The following UNC5B variants were observed in gnomAD, a reference collection of about 807,000 sequenced individuals.
UNC5B encodes the protein unc-5 netrin receptor B, also known as netrin receptor UNC5B.
Under a neutral mutation model 103.7 loss-of-function variants are expected in UNC5B, and 56 were observed. That is an observed-to-expected ratio of 0.54 (90% CI 0.44 to 0.67). The LOEUF is 0.67. UNC5B is among the 30% of genes least tolerant of loss of function. The pLI is 0.00. For missense variants in UNC5B, 1,194 were observed against 1,284.5 expected (o/e 0.93, Z 1.08); for synonymous variants, 577 against 542.0 (o/e 1.06, Z -0.90).
At chr10:71,240,454 T>C (rs900914437) in intron 1 of UNC5B, among the ~76,000 whole-genome samples, 8 of 152,230 alleles carry the variant, frequency 5.3e-5, no homozygotes, top group Non-Finnish European at 7.3e-5. Flanking sequence ...GTGATGCCCG[T>C]GGCCTGCCTC....
intron 1 of UNC5B, among the ~76,000 whole-genome samples, chr10:71,267,314 G>T (rs1045065346): frequency 1.3e-5 from 2 of 152,162 alleles, no homozygotes; most frequent in Admixed American, 6.5e-5. Flanking sequence ...CTCAAGAAGC[G>T]CATGGGATTA....
In UNC5B at chr10:71,287,762, C is replaced by T; in HGVS notation, c.898C>T (p.Pro300Ser). 1 of 1,612,258 alleles carries T rather than the reference C, an allele frequency of 6.2e-7. No homozygotes were observed. The highest frequency in any genetic ancestry group is 8.5e-7 in the Non-Finnish European group (1 of 1,179,058). Residue 300 changes from proline to serine, a missense_variant, in exon 6 of 17, where the codon CCA becomes TCA. Pro to Ser is a moderately conservative substitution (Grantham distance 74). Transcript: ENST00000335350. ...FQKTACTTIC[P>S]VDGAWTEWSK... Reference sequence around the variant, plus strand: ...GAAGACCGCCTGCACCACCATCTGCCCAGGTAAGGAGCCTTGTCCATGTCC... The same window carrying T: ...GAAGACCGCCTGCACCACCATCTGCTCAGGTAAGGAGCCTTGTCCATGTCC...
At chr10:71,258,769 C>T (rs1371640225) in intron 1 of UNC5B, among the ~76,000 whole-genome samples, 1 of 152,214 alleles carries the variant, frequency 6.6e-6, no homozygotes, top group South Asian at 2.1e-4. Flanking sequence ...TCACCAAGGT[C>T]CCCACCCTGC....
intron 1 of UNC5B, chr10:71,217,165 C>T (rs1843347886): frequency 6.5e-6 from 1 of 152,744 alleles, no homozygotes; most frequent in African/African-American, 2.4e-5. Context: ...GTTTCCTAAA[C>T]AGCTTCCACA....
In UNC5B at chr10:71,299,428, A is replaced by G; in HGVS notation, c.*151A>G. On this transcript the variant is annotated 3_prime_UTR_variant, in exon 17 of 17. Transcript: ENST00000335350. Reference sequence around the variant, plus strand: ...CCTCCTCTTCCCCAACCCCCAGACCATGACCAGCCTTAGAAAATCCATGTA... The same window carrying G: ...CCTCCTCTTCCCCAACCCCCAGACCGTGACCAGCCTTAGAAAATCCATGTA... The G allele has an allele frequency of 1.1e-6, 1 of 902,130 alleles. No individual in the cohort carries two copies. Among genetic ancestry groups the G allele is most frequent in the South Asian group, 1.6e-5 (1 of 60,924 alleles). The allele number at this position is 902,130 out of a possible 1,614,324, so 55.9% of individuals were successfully genotyped here.
In UNC5B at chr10:71,212,684, G is replaced by C. The variant is rs540883866; in HGVS notation, c.-302G>C. The C allele has an allele frequency of 7.5e-6, 2 of 268,312 alleles. No individual in the cohort carries two copies. The highest frequency in any genetic ancestry group is 3.3e-4 in the South Asian group (2 of 5,984). 16.6% of individuals were successfully genotyped at this position (268,312 alleles called of 1,614,324 possible). On this transcript the variant is annotated 5_prime_UTR_variant, in exon 1 of 17. Transcript: ENST00000335350. ...CGGCGCCGCCGCTGCGAGCGCCACT[G>C]AGCGGTCGCGCAACTTCGGAGGCAC...
chr10:71,275,374 C>T (rs1331180899), intron 1 of UNC5B, among the ~76,000 whole-genome samples: 4 of 152,212 alleles, frequency 2.6e-5, no homozygotes, highest in Non-Finnish European at 5.9e-5. Context: ...AGAGACGGAG[C>T]AGCAGGAAGT....
chr10:71,254,398 C>T (rs990953867), intron 1 of UNC5B, among the ~76,000 whole-genome samples: 2 of 152,190 alleles, frequency 1.3e-5, no homozygotes, highest in Admixed American at 6.5e-5. Flanking sequence ...GTCCTGCTGT[C>T]GTGGGGGGCA....
At chr10:71,245,057 G>A (rs1021789549) in intron 1 of UNC5B, among the ~76,000 whole-genome samples, 1 of 152,264 alleles carries the variant, frequency 6.6e-6, no homozygotes, top group Non-Finnish European at 1.5e-5. Flanking sequence ...CGAGGAATCA[G>A]AGTTCAGGAA....
rs746870907 is a variant in UNC5B at position 71,287,669 on chromosome 10, C to T, written c.805C>T (p.Arg269Cys). The change falls in exon 6 of 17, where the codon CGC becomes TGC. Residue 269 changes from arginine (R) to cysteine (C), a missense_variant. Arg to Cys is a radical substitution (Grantham distance 180, BLOSUM62 -3). Coordinates refer to ENST00000335350, the MANE Select transcript of UNC5B (RefSeq NM_170744.5). ...SNRCGRGWQK[R>C]TRTCTNPAPL... ...CCGCTGTGGCCGAGGCTGGCAGAAGCGCACCCGGACCTGCACCAACCCCGC... is the reference window on the plus strand; with the variant it reads ...CCGCTGTGGCCGAGGCTGGCAGAAGTGCACCCGGACCTGCACCAACCCCGC... The T allele has an allele frequency of 1.2e-5, 20 of 1,612,860 alleles. No homozygotes were observed. Among genetic ancestry groups the T allele is most frequent in the Non-Finnish European group, 1.5e-5 (18 of 1,179,550 alleles).
At chr10:71,254,783 T>A (rs910315891) in intron 1 of UNC5B, among the ~76,000 whole-genome samples, 3 of 152,250 alleles carry the variant, frequency 2.0e-5, no homozygotes, top group African/African-American at 7.2e-5. Flanking sequence ...CCATTGGTCC[T>A]GCTTCCAGAA....
chr10:71,290,785 G>A, intron 8 of UNC5B, 130 bp from the exon 9 acceptor site: 4 of 1,146,894 alleles, frequency 3.5e-6, no homozygotes, highest in Non-Finnish European at 3.6e-6. Flanking sequence ...TGTGTAGGCA[G>A]GGCTCAGACT....
At chr10:71,215,468 C>T (rs1343017312) in intron 1 of UNC5B, among the ~76,000 whole-genome samples, 1 of 152,172 alleles carries the variant, frequency 6.6e-6, no homozygotes, top group African/African-American at 2.4e-5. Context: ...TTTCCCCACC[C>T]CACCCCATCC....
intron 1 of UNC5B, among the ~76,000 whole-genome samples, chr10:71,254,431 TG>T (rs1844244608): frequency 6.6e-6 from 1 of 152,238 alleles, no homozygotes; most frequent in South Asian, 2.1e-4. Context: ...TGCCAGGAAA[TG>T]GCCAGAGGAA....
intron 1 of UNC5B, among the ~76,000 whole-genome samples, chr10:71,247,275 C>T (rs1844059371): frequency 1.3e-5 from 2 of 152,230 alleles, no homozygotes; most frequent in African/African-American, 4.8e-5. Flanking sequence ...GAGGTGACAG[C>T]ATCTTGGGCT....
At position 71,288,587 on chromosome 10, in the gene UNC5B, G is replaced by A; in HGVS notation, c.921G>A (p.Glu307=). 1 of 1,613,970 alleles carries A rather than the reference G, an allele frequency of 6.2e-7. No individual in the cohort carries two copies. Residue 307 remains glutamate, a synonymous_variant, in exon 7 of 17, where the codon GAG becomes GAA. Coordinates refer to ENST00000335350, the MANE Select transcript of UNC5B (RefSeq NM_170744.5). ...TTACAGTCGATGGGGCGTGGACGGAGTGGAGCAAGTGGTCAGCCTGCAGCA... is the reference window on the plus strand; with the variant it reads ...TTACAGTCGATGGGGCGTGGACGGAATGGAGCAAGTGGTCAGCCTGCAGCA... ...TICPVDGAWT[E]WSKWSACSTE... is the part of the protein sequence containing the mutation.
intron 1 of UNC5B, among the ~76,000 whole-genome samples, chr10:71,227,689 C>CATATATACATATATATACACAT (rs1843598494): frequency 7.4e-6 from 1 of 134,494 alleles, no homozygotes; most frequent in African/African-American, 3.0e-5. Context: ...TATATATACA[C>CATATATACATATATATACACAT]ATATATATAC....
At chr10:71,216,890 C>T (rs1843340802) in intron 1 of UNC5B, among the ~76,000 whole-genome samples, 2 of 152,208 alleles carry the variant, frequency 1.3e-5, no homozygotes, top group South Asian at 4.1e-4. Context: ...AGTGCTGGTA[C>T]CTCCCTCCCC....
intron 2 of UNC5B, among the ~76,000 whole-genome samples, chr10:71,283,832 T>C (rs192749011): frequency 3.0e-4 from 46 of 152,090 alleles, no homozygotes; most frequent in African/African-American, 1.0e-3. Flanking sequence ...CATTGAGAGA[T>C]CAGGGGCTCC....
Sources: gnomAD v4.1 joint callset for allele counts (sites outside exome capture counted in the v4.1 genomes callset) on GRCh38, gnomAD v4.1.1 for gene constraint, MANE v1.5 for transcripts, NCBI Gene and HGNC (gene_info 2026-07-23, HGNC 2026-07-21) for gene names.